Variants in OPLAH observed in about 807,000 individuals in gnomAD.
The protein encoded by OPLAH is 5-oxoprolinase, ATP-hydrolysing, also known as 5-oxoprolinase.
In OPLAH, 103 loss-of-function variants were observed where a neutral mutation model predicts 122.8. The ratio of observed to expected loss-of-function variants is 0.84; its 90% CI spans 0.71 to 0.99. The LOEUF (loss-of-function observed/expected upper bound fraction) is 0.99. OPLAH is among the 50% of genes least tolerant of loss of function. The pLI is 0.00. For missense variants in OPLAH, 1,902 were observed against 1,836.5 expected, an observed-to-expected ratio of 1.04 and a Z score of -0.65; for synonymous variants, 875 against 796.0, an observed-to-expected ratio of 1.10 and a Z score of -1.67.
At chr8:144,058,188 A>G in intron 7 of OPLAH, 40 bp from the exon 8 acceptor site, 2 of 1,607,022 alleles carry the variant, frequency 1.2e-6, no homozygotes, top group Non-Finnish European at 1.7e-6. Flanking sequence ...TTGAAGACCC[A>G]GGGGCCCAGC....
intron 3 of OPLAH, 113 bp downstream of exon 3, chr8:144,059,486 C>T (rs1271377203): frequency 8.8e-6 from 10 of 1,138,308 alleles, no homozygotes; most frequent in Non-Finnish European, 9.8e-6. Flanking sequence ...TCCTCTTTGT[C>T]GGCTGGTGCC....
At chr8:144,061,409 G>A (rs1420204615), upstream of OPLAH, among the ~76,000 whole-genome samples, 6 of 152,064 alleles carry the variant, frequency 3.9e-5, no homozygotes, top group African/African-American at 7.2e-5. Flanking sequence ...CTCAGCTACC[G>A]GGAGGCTGAG....
intron 1 of OPLAH, among the ~76,000 whole-genome samples, chr8:144,060,326 C>T (rs1835637452): frequency 6.6e-6 from 1 of 152,220 alleles, no homozygotes; most frequent in Admixed American, 6.5e-5. Flanking sequence ...GGCCGAAACC[C>T]AGGCAGCGGA....
Position 144,058,643 on chromosome 8 carries a change from G to A in OPLAH, c.636C>T (p.Gly212=). 1.9e-6 allele frequency: 3 copies of A among 1,601,318 alleles called. No homozygotes were observed. Among genetic ancestry groups the A allele is most frequent in the South Asian group, 1.1e-5 (1 of 90,740 alleles). Reference sequence around the variant, plus strand: ...CCGAGGACAGTGACACGTGCGTGAAGCCCAGCTCCCGGGCCAGCACACCCA... The same window carrying A: ...CCGAGGACAGTGACACGTGCGTGAAACCCAGCTCCCGGGCCAGCACACCCA... ...QQVGVLAREL[G]FTHVSLSSEA... is the part of the protein sequence containing the mutation. Residue 212 remains glycine, a synonymous_variant, in exon 6 of 27, where the codon GGC becomes GGT. Transcript: ENST00000618853.
Position 144,056,414 on chromosome 8 carries a change from C to G in OPLAH, c.1954G>C (p.Ala652Pro). 2.5e-6 allele frequency: 4 copies of G among 1,608,502 alleles called. No individual in the cohort carries two copies. The highest frequency in any genetic ancestry group is 3.4e-6 in the Non-Finnish European group (4 of 1,178,226). ...TCCACCCGGGGAGGCCCGGTCTGGG[C>G]TTTGGGGGCATCCTCGAGGCGAAGA... Reference protein sequence around the residue: ...SGLRLEDAPKAQTGPPRVDKM... With the variant: ...SGLRLEDAPKPQTGPPRVDKM... Residue 652 changes from alanine (A) to proline (P), a missense_variant, in exon 14 of 27, where the codon GCC (alanine) becomes CCC (proline). This residue lies in a region of OPLAH where 1,726 missense variants were observed against 1,642.1 expected (regional missense o/e 1.05). Transcript: ENST00000618853.
At position 144,058,651 on chromosome 8, in the gene OPLAH, C is replaced by T. The variant is rs1554760096; in HGVS notation, c.628G>A (p.Glu210Lys). Residue 210 changes from glutamate to lysine, a missense_variant, in exon 6 of 27, where the codon GAG (glutamate) becomes AAG (lysine). Coordinates refer to ENST00000618853, the MANE Select transcript of OPLAH (RefSeq NM_017570.5). The stretch of plus-strand genomic sequence containing the variant: ...AGTGACACGTGCGTGAAGCCCAGCT[C>T]CCGGGCCAGCACACCCACCTGCTGC... ...HEQQVGVLAR[E>K]LGFTHVSLSS... 5 of 1,599,442 alleles carry T rather than the reference C, an allele frequency of 3.1e-6. No homozygotes were observed. The Middle Eastern group carries it at 5.0e-4, about 159-fold the overall frequency.
intron 3 of OPLAH, 45 bp from the exon 4 acceptor site, chr8:144,059,124 C>G (rs1835606500): frequency 2.0e-6 from 3 of 1,474,118 alleles, no homozygotes; most frequent in Non-Finnish European, 2.8e-6. Flanking sequence ...CCTGAGGGTC[C>G]AGGCCGGGGT....
intron 9 of OPLAH, 49 bp downstream of exon 9, chr8:144,057,807 C>T (rs781950352): frequency 1.9e-5 from 31 of 1,602,210 alleles, no homozygotes; most frequent in South Asian, 6.7e-5. Flanking sequence ...GCTGGGCCTG[C>T]GGCGGCAAGC....
At position 144,053,405 on chromosome 8, in the gene OPLAH, G is replaced by C. The variant is rs531406936; in HGVS notation, c.2687-12C>G. ...GGCCTCCGTCACCGCTGGATGGACAGTGTCATCACTGAGCCCCTGGCCAAC... is the reference window on the plus strand; with the variant it reads ...GGCCTCCGTCACCGCTGGATGGACACTGTCATCACTGAGCCCCTGGCCAAC... On this transcript the variant is annotated splice_polypyrimidine_tract_variant and intron_variant, in intron 19 of 26. Transcript: ENST00000618853. The C allele has an allele frequency of 8.1e-6, 13 of 1,597,962 alleles. No individual in the cohort carries two copies. In the Admixed American group the frequency reaches 1.5e-4, roughly 19 times the overall value.
Position 144,051,787 on chromosome 8 carries a change from C to A in OPLAH, c.3662G>T (p.Arg1221Leu). ...PGARGLNLLI[R>L]KNGRTVNLGG... ...CAGATTCACCGTCCGGCCGTTTTTG[C>A]GGATCAGCAGGTTTAGGCCGCGGGC... Residue 1221 changes from arginine (R) to leucine (L), a missense_variant, in exon 26 of 27, where the codon CGC (arginine) becomes CTC (leucine). Coordinates refer to ENST00000618853, the MANE Select transcript of OPLAH (RefSeq NM_017570.5). 5.6e-6 allele frequency: 9 copies of A among 1,603,214 alleles called. No individual in the cohort carries two copies. The highest frequency in any genetic ancestry group is 7.6e-6 in the Non-Finnish European group (9 of 1,177,610).
chr8:144,053,309 C>T lies in OPLAH; in HGVS notation c.2771G>A (p.Arg924His), dbSNP rs782040853. 6 of 1,612,990 alleles carry T rather than the reference C, an allele frequency of 3.7e-6. No homozygotes were observed. Among genetic ancestry groups the T allele is most frequent in the Middle Eastern group, 3.3e-4 (2 of 6,058 alleles). The stretch of plus-strand genomic sequence containing the variant: ...CTTCTGGTTGGCTGCCACCTGGGCA[C>T]GGAGGTCCGACAGGTTGTCGTGCAG... ...RNLHDNLSDL[R>H]AQVAANQKGI... is the part of the protein sequence containing the mutation. The change falls in exon 20 of 27, where the codon CGT becomes CAT. Residue 924 changes from arginine (R) to histidine (H), a missense_variant. Around this residue, in one of 3 missense-constraint regions of OPLAH, gnomAD observed 1,726 missense variants for 1,642.1 expected, o/e 1.05. Transcript: ENST00000618853.
chr8:144,052,484 TGAC>T lies in OPLAH; in HGVS notation c.3265_3267del (p.Val1089del). On this transcript the variant is annotated inframe_deletion, in exon 23 of 27. Coordinates refer to ENST00000618853, the MANE Select transcript of OPLAH (RefSeq NM_017570.5). Reference sequence around the variant, plus strand: ...GCGCAGGCCCCAAAGGCCCCCAGGATGACATCCACCACGCGCTGCGACGTGAGC... The same window carrying T: ...GCGCAGGCCCCAAAGGCCCCCAGGATATCCACCACGCGCTGCGACGTGAGC... 6.4e-7 allele frequency: 1 copy of T among 1,559,712 alleles called. No homozygotes were observed. The highest frequency in any genetic ancestry group is 8.6e-7 in the Non-Finnish European group (1 of 1,159,248).
chr8:144,052,533 C>A lies in OPLAH; in HGVS notation c.3219G>T (p.Ala1073=). The A allele has an allele frequency of 6.3e-7, 1 of 1,591,496 alleles. No homozygotes were observed. The highest frequency in any genetic ancestry group is 2.3e-5 in the East Asian group (1 of 44,386). Residue 1073 remains alanine (A), a synonymous_variant, in exon 23 of 27, where the codon GCG becomes GCT. Coordinates refer to ENST00000618853, the MANE Select transcript of OPLAH (RefSeq NM_017570.5). ...RGSILDPSPE[A]AVVGGNVLTS... Reference sequence around the variant, plus strand: ...TGAGCACGTTGCCGCCCACCACCGCCGCCTCGGGCGACGGGTCCAGGATGG... The same window carrying A: ...TGAGCACGTTGCCGCCCACCACCGCAGCCTCGGGCGACGGGTCCAGGATGG...
chr8:144,058,198 C>G (rs782577580), intron 7 of OPLAH, 41 bp downstream of exon 7: 1 of 1,604,956 alleles, frequency 6.2e-7, no homozygotes, highest in Non-Finnish European at 8.5e-7. Flanking sequence ...AGGGGCCCAG[C>G]AGCTGAGCCT....
At chr8:144,062,935 C>A (rs1399881453), upstream of OPLAH, among the ~76,000 whole-genome samples, 1 of 151,890 alleles carries the variant, frequency 6.6e-6, no homozygotes, top group African/African-American at 2.4e-5. Flanking sequence ...CACTCCACTG[C>A]GCGTCTCGGG....
At chr8:144,053,155 G>A (rs1554758151) in intron 20 of OPLAH, 26 bp from the exon 21 acceptor site, 12 of 1,607,634 alleles carry the variant, frequency 7.5e-6, no homozygotes, top group Non-Finnish European at 1.0e-5. Flanking sequence ...ATCAGTGGTG[G>A]CCAGGTCACC....
upstream of OPLAH, chr8:144,060,775 C>G (rs1158407659): frequency 6.6e-6 from 1 of 152,266 alleles, no homozygotes; most frequent in Non-Finnish European, 1.5e-5. Context: ...CCACTGGTCC[C>G]GGCACTCGCG....
At position 144,059,869 on chromosome 8, in the gene OPLAH, A is replaced by G. The variant is rs782265175; in HGVS notation, c.164T>C (p.Leu55Pro). The change falls in exon 2 of 27, where the codon CTG (leucine) becomes CCG (proline). Residue 55 changes from leucine to proline, a missense_variant. This residue lies in a region of OPLAH where 168 missense variants were observed against 170.6 expected (regional missense o/e 0.98). Coordinates refer to ENST00000618853, the MANE Select transcript of OPLAH (RefSeq NM_017570.5). ...CGCTCCGCCCTGGCCCACCTGCTCCAGGATGCGGCGGATGCCTTCGGTTGG... is the reference window on the plus strand; with the variant it reads ...CGCTCCGCCCTGGCCCACCTGCTCCGGGATGCGGCGGATGCCTTCGGTTGG... ...DAPTEGIRRI[L>P]EQEAGMLLPR... The G allele has an allele frequency of 6.2e-7, 1 of 1,612,730 alleles. No homozygotes were observed. The highest frequency in any genetic ancestry group is 8.5e-7 in the Non-Finnish European group (1 of 1,179,802).
chr8:144,054,829 G>C lies in OPLAH; in HGVS notation c.2494C>G (p.Leu832Val). The C allele has an allele frequency of 6.2e-7, 1 of 1,612,296 alleles. No homozygotes were observed. The highest frequency in any genetic ancestry group is 8.5e-7 in the Non-Finnish European group (1 of 1,179,794). The change falls in exon 18 of 27, where the codon CTG becomes GTG. Residue 832 changes from leucine to valine, a missense_variant. This residue lies in a region of OPLAH where 1,726 missense variants were observed against 1,642.1 expected (regional missense o/e 1.05). Transcript: ENST00000618853. ...PSAGGSHLPD[L>V]TVITPVFWPG... ...CCCCTCACCGGTGTGATAACAGTCA[G>C]GTCTGGCAGGTGGCTGCCCCCGGCA... is the stretch of plus-strand genomic sequence containing the variant.
Sources: allele counts gnomAD v4.1 joint callset (sites outside exome capture counted in the v4.1 genomes callset), GRCh38; gene constraint gnomAD v4.1.1; regional missense constraint gnomAD v4.1.1; transcripts MANE v1.5; gene names NCBI Gene and HGNC (gene_info 2026-07-23, HGNC 2026-07-21).